Variants in ATG4A observed in about 807,000 individuals in gnomAD.
The protein encoded by ATG4A is autophagy related 4A cysteine peptidase, also known as cysteine protease ATG4A.
ATG4A carries 22 observed loss-of-function variants against 38.4 expected under a neutral mutation model. That is an observed-to-expected ratio of 0.57 (90% confidence interval 0.41 to 0.82). ATG4A has a LOEUF of 0.82. Among genes scored for constraint, ATG4A ranks in the 40% least tolerant of loss-of-function variants. The pLI is 0.00. For synonymous variants in ATG4A, 86 were observed against 100.7 expected (o/e 0.85, Z 0.88); for missense variants, 220 against 290.0 (o/e 0.76, Z 1.75).
intron 1 of ATG4A, among the ~76,000 whole-genome samples, chrX:108,096,321 G>T (rs1362535822): frequency 8.9e-6 from 1 of 112,381 alleles, no homozygotes; most frequent in East Asian, 2.8e-4. Context: ...GTGTTTGAAG[G>T]TGGTTCTTCC....
rs2033651052 is a variant in ATG4A at position 108,154,037 on chromosome X, A to C, written c.*325A>C. 1 of 174,163 alleles carries C rather than the reference A, an allele frequency of 5.7e-6. No individual in the cohort carries two copies. Among genetic ancestry groups the C allele is most frequent in the Non-Finnish European group, 1.1e-5 (1 of 93,559 alleles). The allele number at this position is 174,163 out of a possible 1,213,427, so 14.4% of individuals were successfully genotyped here. Reference sequence around the variant, plus strand: ...CAATGAGGAAATGGGCATCTGGAAGACAAACAGCAACTCTCAGCTTGCTTC... The same window carrying C: ...CAATGAGGAAATGGGCATCTGGAAGCCAAACAGCAACTCTCAGCTTGCTTC... On this transcript the variant is annotated 3_prime_UTR_variant, in exon 13 of 13. Transcript: ENST00000372232.
intron 9 of ATG4A, among the ~76,000 whole-genome samples, chrX:108,141,091 T>C (rs1316297452): frequency 1.3e-5 from 1 of 79,727 alleles, no homozygotes; most frequent in East Asian, 3.7e-4. Flanking sequence ...TATATATATA[T>C]ATATATATAT....
intron 9 of ATG4A, among the ~76,000 whole-genome samples, chrX:108,141,080 A>G (rs1416472284): frequency 8.6e-5 from 6 of 69,530 alleles, no homozygotes; most frequent in Non-Finnish European, 1.1e-4. Flanking sequence ...ACATATATAT[A>G]TATATATATA....
At chrX:108,142,505 T>C (rs904705452) in intron 9 of ATG4A, among the ~76,000 whole-genome samples, 5 of 106,612 alleles carry the variant, frequency 4.7e-5, no homozygotes, top group African/African-American at 1.4e-4. Flanking sequence ...ATAACATACA[T>C]ACACACACAC....
intron 4 of ATG4A, among the ~76,000 whole-genome samples, chrX:108,132,024 G>A (rs2032970387): frequency 9.0e-6 from 1 of 110,909 alleles, no homozygotes; most frequent in Non-Finnish European, 1.9e-5. Flanking sequence ...TCAGCCTCCT[G>A]AGTAGCTGGG....
chrX:108,154,456 C>T lies in ATG4A; in HGVS notation c.*744C>T, dbSNP rs2033660553. The stretch of plus-strand genomic sequence containing the variant: ...TTTTGGGCTTTGCAGGCCATGCGGC[C>T]TCTGTCACATCTACTCAACTCTGCT... On this transcript the variant is annotated 3_prime_UTR_variant, in exon 13 of 13. Coordinates refer to ENST00000372232, the MANE Select transcript of ATG4A (RefSeq NM_052936.5). 8.9e-6 allele frequency: 1 copy of T among 112,230 alleles called. No individual in the cohort carries two copies. The highest frequency in any genetic ancestry group is 2.8e-4 in the East Asian group (1 of 3,559). The allele number at this position is 112,230 out of a possible 1,213,427, so 9.2% of individuals were successfully genotyped here. A position where few individuals can be genotyped will look rare whatever the true frequency, so the allele number is the denominator to read the frequency against.
intron 6 of ATG4A, 76 bp from the exon 7 acceptor site, chrX:108,137,015 T>G (rs2033122688): frequency 1.1e-6 from 1 of 884,639 alleles, no homozygotes; most frequent in African/African-American, 2.0e-5. Context: ...TTAGGAACAC[T>G]GGGCATAAAT....
intron 1 of ATG4A, among the ~76,000 whole-genome samples, chrX:108,095,203 A>G (rs1266789592): frequency 9.0e-6 from 1 of 111,419 alleles, no homozygotes; most frequent in Non-Finnish European, 1.9e-5. Flanking sequence ...CTGGGATTAC[A>G]GGCATGAGCC....
chrX:108,137,198 A>T (rs747344599), intron 7 of ATG4A, 28 bp downstream of exon 7: 1 of 1,129,315 alleles, frequency 8.9e-7, no homozygotes, highest in South Asian at 1.9e-5. Context: ...TTAACTTCCC[A>T]GCTGATGGGT....
intron 1 of ATG4A, among the ~76,000 whole-genome samples, chrX:108,123,166 G>A (rs905256352): frequency 1.8e-5 from 2 of 111,847 alleles, no homozygotes; most frequent in East Asian, 2.8e-4. Context: ...TATTATTAAA[G>A]TACAGTGGAA....
rs2033548169 is a variant in ATG4A at position 108,150,164 on chromosome X, T to A, written c.827T>A (p.Ile276Asn). The A allele has an allele frequency of 8.3e-7, 1 of 1,209,984 alleles. No individual in the cohort carries two copies. Among genetic ancestry groups the A allele is most frequent in the African/African-American group, 1.7e-5 (1 of 57,202 alleles). Residue 276 changes from isoleucine to asparagine, a missense_variant, in exon 10 of 13, where the codon ATC becomes AAC. Physicochemically the swap from Ile to Asn is moderately radical, Grantham distance 149 (BLOSUM62 -3). Transcript: ENST00000372232. ...TCCTTCAAAACAGGTGACGAGCTCA[T>A]CTTCTTGGACCCTCATACAACCCAG... ...YFIGFLGDEL[I>N]FLDPHTTQTF...
chrX:108,124,601 A>C (rs1210329552), intron 1 of ATG4A, among the ~76,000 whole-genome samples: 1 of 110,400 alleles, frequency 9.1e-6, no homozygotes, highest in African/African-American at 3.3e-5. Context: ...ACAGGCATGC[A>C]CCACCATGCC....
chrX:108,090,353 T>C, upstream of ATG4A, among the ~76,000 whole-genome samples: 1 of 112,026 alleles, frequency 8.9e-6, no homozygotes, highest in East Asian at 2.8e-4. Context: ...CGTCTCTTGA[T>C]GCTGAATAGT....
intron 1 of ATG4A, among the ~76,000 whole-genome samples, chrX:108,099,025 GA>G (rs2031921132): frequency 9.0e-6 from 1 of 111,591 alleles, no homozygotes; most frequent in Non-Finnish European, 1.9e-5. Context: ...TACAAGGTGG[GA>G]CGGTAAATAT....
intron 1 of ATG4A, among the ~76,000 whole-genome samples, chrX:108,102,161 C>T (rs2032033033): frequency 9.0e-6 from 1 of 111,365 alleles, no homozygotes; most frequent in Non-Finnish European, 1.9e-5. Flanking sequence ...ATACCAACCG[C>T]ACCATTCTAC....
At chrX:108,113,485 GA>G (rs2032420952) in intron 1 of ATG4A, among the ~76,000 whole-genome samples, 1 of 111,559 alleles carries the variant, frequency 9.0e-6, no homozygotes, top group Non-Finnish European at 1.9e-5. Context: ...GCAGAGGGTA[GA>G]AAGGGGAGAG....
intron 10 of ATG4A, 26 bp from the exon 11 acceptor site, chrX:108,151,776 G>A: frequency 5.8e-6 from 7 of 1,202,776 alleles, no homozygotes; most frequent in Non-Finnish European, 7.9e-6. Context: ...GTAATTCTAA[G>A]TTGTGTTCTT....
intron 9 of ATG4A, among the ~76,000 whole-genome samples, chrX:108,140,571 TTATACATATA>T (rs1312581438): frequency 1.5e-4 from 15 of 103,406 alleles, no homozygotes; most frequent in East Asian, 2.9e-4. Flanking sequence ...ACACACACAT[TTATACATATA>T]TATACATATA....
chrX:108,119,443 C>T (rs148209339), intron 1 of ATG4A, among the ~76,000 whole-genome samples: 1,625 of 111,613 alleles, frequency 0.015, 11 homozygotes, highest in Non-Finnish European at 0.026. Flanking sequence ...TACATTGCAA[C>T]GTGGTTTTTA....
Sources: gnomAD v4.1 joint callset for allele counts (sites outside exome capture counted in the v4.1 genomes callset) on GRCh38, gnomAD v4.1.1 for gene constraint, MANE v1.5 for transcripts, NCBI Gene and HGNC (gene_info 2026-07-23, HGNC 2026-07-21) for gene names.